The following PHACTR4 variants were observed in gnomAD, a reference collection of about 807,000 sequenced individuals.
PHACTR4 encodes the protein phosphatase and actin regulator 4, also known as protein phosphatase 1, regulatory subunit 124.
PHACTR4 carries 51 observed loss-of-function variants against 72.7 expected under a neutral mutation model. The observed-to-expected ratio is 0.70, with a 90% CI of 0.56 to 0.89. PHACTR4 has a LOEUF of 0.89. PHACTR4 is among the 40% of genes least tolerant of loss of function. The pLI is 0.00. For synonymous variants in PHACTR4, 255 were observed against 302.5 expected, an observed-to-expected ratio of 0.84 and a Z score of 1.63; for missense variants, 731 against 861.8, an observed-to-expected ratio of 0.85 and a Z score of 1.90.
intron 2 of PHACTR4, chr1:28,453,776 A>AG: frequency 1.0e-6 from 1 of 954,932 alleles, no homozygotes; most frequent in Non-Finnish European, 1.7e-6. Flanking sequence ...AGGTTTCAGC[A>AG]GTTATCCACA....
chr1:28,465,421 C>G (rs1245347395), intron 4 of PHACTR4, among the ~76,000 whole-genome samples: 1 of 152,116 alleles, frequency 6.6e-6, no homozygotes, highest in Admixed American at 6.6e-5. Flanking sequence ...GATCATGCCA[C>G]TGCACTCCAG....
intron 1 of PHACTR4, among the ~76,000 whole-genome samples, chr1:28,401,319 T>C (rs1361345985): frequency 5.7e-5 from 8 of 141,036 alleles, no homozygotes; most frequent in Non-Finnish European, 1.1e-4. Flanking sequence ...TTTTTTTTTT[T>C]TGGGGGGGAT....
At chr1:28,414,019 A>G (rs1375118673) in intron 2 of PHACTR4, among the ~76,000 whole-genome samples, 2 of 152,168 alleles carry the variant, frequency 1.3e-5, no homozygotes, top group Non-Finnish European at 2.9e-5. Context: ...TTAATTATGC[A>G]TATTTTCACT....
intron 2 of PHACTR4, among the ~76,000 whole-genome samples, chr1:28,455,894 GA>G (rs758070666): frequency 6.6e-5 from 10 of 152,160 alleles, no homozygotes; most frequent in Non-Finnish European, 1.2e-4. Context: ...GAGGTAAGAG[GA>G]AAGAAGGACA....
chr1:28,431,155 G>C (rs1656233658), intron 2 of PHACTR4, among the ~76,000 whole-genome samples: 1 of 146,118 alleles, frequency 6.8e-6, no homozygotes, highest in Non-Finnish European at 1.5e-5. Flanking sequence ...CTCCAGCCTG[G>C]GCCACAGAGC....
At chr1:28,458,100 G>A (rs1439797670) in intron 2 of PHACTR4, among the ~76,000 whole-genome samples, 1 of 109,214 alleles carries the variant, frequency 9.2e-6, no homozygotes, top group Non-Finnish European at 1.7e-5. Context: ...ATATTATGGT[G>A]TGTGTGTTTG....
intron 4 of PHACTR4, among the ~76,000 whole-genome samples, chr1:28,460,787 G>C (rs1312521327): frequency 6.6e-6 from 1 of 152,132 alleles, no homozygotes; most frequent in Admixed American, 6.5e-5. Flanking sequence ...GGGACTACAG[G>C]TGTGAGCCAC....
At chr1:28,403,304 A>T (rs1262311505) in intron 1 of PHACTR4, among the ~76,000 whole-genome samples, 1 of 152,134 alleles carries the variant, frequency 6.6e-6, no homozygotes, top group African/African-American at 2.4e-5. Flanking sequence ...AGCTAAAATG[A>T]CCTTTTAGAG....
chr1:28,376,660 G>A (rs1449826777), intron 1 of PHACTR4, among the ~76,000 whole-genome samples: 1 of 150,300 alleles, frequency 6.7e-6, no homozygotes, highest in Non-Finnish European at 1.5e-5. Context: ...TTTTTGAGAC[G>A]GAGTCTTGCT....
chr1:28,435,739 T>C (rs1234314786), intron 2 of PHACTR4, among the ~76,000 whole-genome samples: 1 of 152,226 alleles, frequency 6.6e-6, no homozygotes, highest in Non-Finnish European at 1.5e-5. Flanking sequence ...ATGATGATGA[T>C]GATGGTGATA....
At chr1:28,480,745 G>C in intron 9 of PHACTR4, 141 bp downstream of exon 9, 1 of 1,124,572 alleles carries the variant, frequency 8.9e-7, no homozygotes, top group Admixed American at 2.0e-5. Context: ...GGCTGGAGTA[G>C]TGGCGCGATC....
At chr1:28,386,148 C>T (rs1445966427) in intron 1 of PHACTR4, among the ~76,000 whole-genome samples, 1 of 152,080 alleles carries the variant, frequency 6.6e-6, no homozygotes. Context: ...GGCTGGAGTG[C>T]AGTGGTGCGA....
chr1:28,441,106 C>T (rs1311312079), intron 2 of PHACTR4, among the ~76,000 whole-genome samples: 1 of 152,082 alleles, frequency 6.6e-6, no homozygotes, highest in African/African-American at 2.4e-5. Context: ...AGATATTATT[C>T]ATGTCTATGC....
chr1:28,446,598 G>A (rs1219901394), intron 2 of PHACTR4, among the ~76,000 whole-genome samples: 8 of 152,122 alleles, frequency 5.3e-5, no homozygotes, highest in Non-Finnish European at 1.2e-4. Flanking sequence ...GGCCAACATG[G>A]TGAAACCCTG....
At chr1:28,489,276 T>A (rs762801115) in intron 10 of PHACTR4, 51 bp downstream of exon 10, 2 of 1,490,478 alleles carry the variant, frequency 1.3e-6, no homozygotes, top group Non-Finnish European at 1.9e-6. Flanking sequence ...TGTATGTTTC[T>A]GACTTTAATA....
chr1:28,480,621 A>G lies in PHACTR4; in HGVS notation c.1760+17A>G, dbSNP rs1345545735. 1.2e-6 allele frequency: 2 copies of G among 1,612,892 alleles called. No homozygotes were observed. Among genetic ancestry groups the G allele is most frequent in the South Asian group, 2.2e-5 (2 of 91,028 alleles). ...ACTGATCCGGTAGGCCTTTGCTTAG[A>G]TTTGCTTGATTGATTTGGTTATGCC... On this transcript the variant is annotated intron_variant, in intron 9 of 13. Transcript: ENST00000373839.
chr1:28,474,466 T>C (rs1659788733), intron 7 of PHACTR4, among the ~76,000 whole-genome samples: 1 of 139,324 alleles, frequency 7.2e-6, no homozygotes, highest in Admixed American at 8.3e-5. Flanking sequence ...GAGGTTGCAG[T>C]GAGCCAAGAC....
chr1:28,419,658 C>T (rs190255250), intron 2 of PHACTR4, among the ~76,000 whole-genome samples: 37 of 151,998 alleles, frequency 2.4e-4, no homozygotes, highest in Admixed American at 1.2e-3. Context: ...AAAACTAGAA[C>T]GAAAATGATA....
At chr1:28,401,000 G>T (rs540739317) in intron 1 of PHACTR4, among the ~76,000 whole-genome samples, 39 of 152,266 alleles carry the variant, frequency 2.6e-4, no homozygotes, top group Admixed American at 1.9e-3. Flanking sequence ...TGGAGTTCTG[G>T]TTTTTTCATC....
Sources: allele counts gnomAD v4.1 joint callset (sites outside exome capture counted in the v4.1 genomes callset), GRCh38; gene constraint gnomAD v4.1.1; transcripts MANE v1.5; gene names NCBI Gene and HGNC (gene_info 2026-07-23, HGNC 2026-07-21).